Variants in DGKI observed in about 807,000 individuals in gnomAD.
The protein encoded by DGKI is diacylglycerol kinase iota, also known as DAG kinase iota.
A neutral mutation model predicts 147.5 loss-of-function variants in DGKI; 55 were observed. The ratio of observed to expected loss-of-function variants is 0.37; its 90% CI spans 0.30 to 0.47. DGKI has a LOEUF of 0.47. Ranked by LOEUF, DGKI falls within the 20% of genes least tolerant of loss-of-function variation. DGKI has a pLI of 1.00. For missense variants in DGKI, 1,007 were observed against 1,323.8 expected (o/e 0.76, Z 3.71); for synonymous variants, 469 against 477.1 (o/e 0.98, Z 0.22).
chr7:137,833,825 G>A (rs951033202), intron 1 of DGKI, among the ~76,000 whole-genome samples: 4 of 152,172 alleles, frequency 2.6e-5, no homozygotes, highest in Admixed American at 6.5e-5. Context: ...GGAGAGCCAG[G>A]CACCTTGATG....
intron 1 of DGKI, among the ~76,000 whole-genome samples, chr7:137,788,680 A>ACACACC (rs1417525541): frequency 7.7e-6 from 1 of 129,602 alleles, no homozygotes; most frequent in African/African-American, 3.0e-5. Context: ...ACACACACAC[A>ACACACC]CCTCCATCCC....
intron 27 of DGKI, among the ~76,000 whole-genome samples, chr7:137,449,294 A>G (rs999235846): frequency 2.0e-5 from 3 of 152,238 alleles, no homozygotes; most frequent in African/African-American, 7.2e-5. Context: ...ACAGACAAAT[A>G]GAACAATGGA....
chr7:137,655,588 T>G (rs1449551438), intron 4 of DGKI, among the ~76,000 whole-genome samples: 2 of 152,110 alleles, frequency 1.3e-5, no homozygotes, highest in Non-Finnish European at 2.9e-5. Context: ...GGTTAGCTAC[T>G]CGATAAAGTG....
chr7:137,620,027 A>C (rs6980225), intron 7 of DGKI, 87 bp from the exon 8 acceptor site: 3 of 701,508 alleles, frequency 4.3e-6, no homozygotes, highest in Non-Finnish European at 7.3e-6. Context: ...ACGCACACAC[A>C]CACACACACA....
chr7:137,575,237 A>G (rs981776142), intron 17 of DGKI, among the ~76,000 whole-genome samples: 2 of 152,208 alleles, frequency 1.3e-5, no homozygotes, highest in Non-Finnish European at 2.9e-5. Flanking sequence ...TTTCCTCCTC[A>G]TAAGATATAA....
At chr7:137,469,459 T>C (rs1814795240) in intron 24 of DGKI, 91 bp downstream of exon 24, 2 of 1,345,830 alleles carry the variant, frequency 1.5e-6, no homozygotes, top group Non-Finnish European at 2.1e-6. Flanking sequence ...CTGAATAATC[T>C]TTTGGAAAAC....
intron 1 of DGKI, among the ~76,000 whole-genome samples, chr7:137,723,277 T>G: frequency 6.6e-6 from 1 of 152,194 alleles, no homozygotes; most frequent in African/African-American, 2.4e-5. Context: ...TAAAGTGACT[T>G]TATTCATTCA....
intron 1 of DGKI, among the ~76,000 whole-genome samples, chr7:137,729,119 G>A (rs1794796854): frequency 7.4e-6 from 1 of 135,268 alleles, no homozygotes; most frequent in Non-Finnish European, 1.5e-5. Context: ...AAAAAACAGA[G>A]TAACTCAGAG....
chr7:137,554,064 C>T (rs952771063), intron 19 of DGKI, among the ~76,000 whole-genome samples: 11 of 152,140 alleles, frequency 7.2e-5, no homozygotes, highest in African/African-American at 2.7e-4. Context: ...GCAAATATTA[C>T]AAGCAGGTAG....
intron 6 of DGKI, among the ~76,000 whole-genome samples, chr7:137,638,615 C>CATATAT (rs1383387447): frequency 0.02 from 162 of 8,190 alleles, 30 homozygotes; most frequent in African/African-American, 0.041. Flanking sequence ...TATATATACA[C>CATATAT]ACACACATAT....
chr7:137,781,235 G>A (rs1796510533), intron 1 of DGKI, among the ~76,000 whole-genome samples: 1 of 152,186 alleles, frequency 6.6e-6, no homozygotes. Context: ...CTGGAGGTGT[G>A]GCCAGGAGCC....
intron 20 of DGKI, among the ~76,000 whole-genome samples, chr7:137,533,939 C>G (rs901610866): frequency 6.6e-6 from 1 of 152,032 alleles, no homozygotes; most frequent in Non-Finnish European, 1.5e-5. Flanking sequence ...GTGATGTGTT[C>G]TAGGGATTAA....
At chr7:137,660,468 T>C (rs1822384830) in intron 3 of DGKI, among the ~76,000 whole-genome samples, 1 of 152,206 alleles carries the variant, frequency 6.6e-6, no homozygotes. Flanking sequence ...TTGAAAGTAG[T>C]GACAGCTCTC....
chr7:137,506,332 A>C (rs1203105482), intron 21 of DGKI, among the ~76,000 whole-genome samples: 1 of 152,196 alleles, frequency 6.6e-6, no homozygotes, highest in Non-Finnish European at 1.5e-5. Context: ...GAAGATTGCT[A>C]AGTGAAAGAT....
chr7:137,694,004 T>C (rs1055416513), intron 1 of DGKI, among the ~76,000 whole-genome samples: 1 of 152,210 alleles, frequency 6.6e-6, no homozygotes, highest in Non-Finnish European at 1.5e-5. Context: ...ATGTGGCATA[T>C]ACTCTTCATA....
chr7:137,747,059 G>A (rs1795360878), intron 1 of DGKI, among the ~76,000 whole-genome samples: 1 of 152,062 alleles, frequency 6.6e-6, no homozygotes, highest in African/African-American at 2.4e-5. Context: ...ATTTGCTAGT[G>A]GGAAGCTCCT....
Position 137,381,364 on chromosome 7 carries a change from C to A in DGKI, c.*9856G>T, listed in dbSNP as rs1213448177. On this transcript the variant is annotated 3_prime_UTR_variant, in exon 33 of 33. Coordinates refer to ENST00000614521, the MANE Select transcript of DGKI (RefSeq NM_001321708.2). ...CTTTACCTGGAAATAAAACTTTAAT[C>A]TTTCTACTGCCACAGCTGCTACTTG... The A allele has an allele frequency of 7.5e-6, 1 of 132,612 alleles. No homozygotes were observed. The highest frequency in any genetic ancestry group is 1.5e-5 in the Non-Finnish European group (1 of 64,816). 8.2% of individuals were successfully genotyped at this position (132,612 alleles called of 1,614,324 possible). A position where few individuals can be genotyped will look rare whatever the true frequency, so the allele number is the denominator to read the frequency against.
At chr7:137,497,612 T>TAA (rs918028168) in intron 21 of DGKI, among the ~76,000 whole-genome samples, 1 of 150,372 alleles carries the variant, frequency 6.7e-6, no homozygotes, top group Non-Finnish European at 1.5e-5. Context: ...ACATAGCCAT[T>TAA]AAAAAAAAAT....
intron 21 of DGKI, among the ~76,000 whole-genome samples, chr7:137,502,657 G>A (rs979063512): frequency 6.6e-6 from 1 of 152,100 alleles, no homozygotes; most frequent in Non-Finnish European, 1.5e-5. Context: ...AATCCTGAGA[G>A]ATGGATGTCA....
Sources: gnomAD v4.1 joint callset for allele counts (sites outside exome capture counted in the v4.1 genomes callset) on GRCh38, gnomAD v4.1.1 for gene constraint, MANE v1.5 for transcripts, NCBI Gene and HGNC (gene_info 2026-07-23, HGNC 2026-07-21) for gene names.